Variants in CSMD1 observed in about 807,000 individuals in gnomAD.
The protein encoded by CSMD1 is CUB and sushi domain-containing protein 1.
CSMD1 carries 213 observed loss-of-function variants against 417.5 expected under a neutral mutation model. The ratio of observed to expected loss-of-function variants is 0.51; its 90% CI spans 0.46 to 0.57. The LOEUF is 0.57. CSMD1 is among the 20% of genes least tolerant of loss of function. The pLI is 0.00. For missense variants in CSMD1, 6,923 were observed against 4,529.7 expected, an observed-to-expected ratio of 1.53 and a Z score of -15.17; for synonymous variants, 2,862 against 1,736.8, an observed-to-expected ratio of 1.65 and a Z score of -16.11.
intron 10 of CSMD1, among the ~76,000 whole-genome samples, chr8:3,540,182 G>GA (rs1055696980): frequency 1.1e-4 from 16 of 151,694 alleles, no homozygotes; most frequent in African/African-American, 3.4e-4. Flanking sequence ...GTTTAGTCTT[G>GA]AAAAAAAACC....
intron 3 of CSMD1, among the ~76,000 whole-genome samples, chr8:4,274,457 G>C (rs555195056): frequency 4.7e-4 from 72 of 152,210 alleles, no homozygotes; most frequent in Middle Eastern, 3.4e-3. Context: ...TTAATCGTCA[G>C]CACAGTCGTA....
chr8:3,406,243 A>G (rs1354217493), intron 14 of CSMD1, 22 bp from the exon 15 acceptor site: 2 of 1,540,758 alleles, frequency 1.3e-6, no homozygotes, highest in Non-Finnish European at 1.8e-6. Context: ...AGAAGAAGAA[A>G]AAAGGAATAA....
intron 10 of CSMD1, among the ~76,000 whole-genome samples, chr8:3,532,070 C>T (rs1798005136): frequency 6.6e-6 from 1 of 152,198 alleles, no homozygotes; most frequent in South Asian, 2.1e-4. Flanking sequence ...TCATGATTAG[C>T]TCGTCTATGA....
intron 1 of CSMD1, among the ~76,000 whole-genome samples, chr8:4,724,869 A>T (rs1030289584): frequency 2.2e-4 from 33 of 152,108 alleles, no homozygotes; most frequent in African/African-American, 8.0e-4. Context: ...AGTATACTTC[A>T]CTATTAAAAC....
intron 3 of CSMD1, among the ~76,000 whole-genome samples, chr8:4,357,620 C>A (rs1801504215): frequency 6.6e-6 from 1 of 152,154 alleles, no homozygotes; most frequent in Non-Finnish European, 1.5e-5. Flanking sequence ...AAATAGCATG[C>A]TTAAATAAAT....
intron 5 of CSMD1, among the ~76,000 whole-genome samples, chr8:3,839,068 A>C (rs1319106460): frequency 1.6e-5 from 2 of 126,696 alleles, no homozygotes; most frequent in Non-Finnish European, 3.1e-5. Flanking sequence ...GCCTATAGAT[A>C]TATAGCCTAG....
intron 2 of CSMD1, among the ~76,000 whole-genome samples, chr8:4,617,390 C>CA (rs1801530265): frequency 6.6e-6 from 1 of 152,100 alleles, no homozygotes; most frequent in Admixed American, 6.6e-5. Flanking sequence ...CACTGGACTC[C>CA]AATAACCCTG....
chr8:4,714,004 G>C (rs1036542613), intron 1 of CSMD1, among the ~76,000 whole-genome samples: 1 of 152,088 alleles, frequency 6.6e-6, no homozygotes, highest in Non-Finnish European at 1.5e-5. Context: ...AATTAGCCAA[G>C]CATGGTGGCA....
At chr8:4,495,536 C>G (rs1169705246) in intron 2 of CSMD1, among the ~76,000 whole-genome samples, 1 of 151,998 alleles carries the variant, frequency 6.6e-6, no homozygotes, top group African/African-American at 2.4e-5. Flanking sequence ...TATCTCGCCA[C>G]TGCACTCTAG....
intron 3 of CSMD1, among the ~76,000 whole-genome samples, chr8:4,375,353 C>G (rs1167382353): frequency 6.6e-6 from 1 of 152,058 alleles, no homozygotes; most frequent in Non-Finnish European, 1.5e-5. Context: ...ATCCTATTCA[C>G]CATCCACACA....
At chr8:3,291,472 G>C (rs1301995301) in intron 25 of CSMD1, among the ~76,000 whole-genome samples, 1 of 152,036 alleles carries the variant, frequency 6.6e-6, no homozygotes, top group African/African-American at 2.4e-5. Flanking sequence ...TTTTTTGGTT[G>C]GTAAGCTATT....
rs578035954 is a variant in CSMD1, at chr8:3,957,270, G to A, written c.818+40633C>T. Among the ~76,000 whole-genome samples the A allele has an allele frequency of 3.9e-5, 6 of 152,226 alleles. No individual in the cohort carries two copies. The East Asian group carries it at 7.7e-4, about 20-fold the overall frequency. On this transcript the variant is annotated intron_variant, in intron 5 of 69. Transcript: ENST00000635120. ...GTGTGTAGGTTTCACTATCGCAGTG[G>A]GGATACATGTACTTTTGTGCCCTCA... is the stretch of plus-strand genomic sequence containing the variant.
intron 1 of CSMD1, among the ~76,000 whole-genome samples, chr8:4,929,591 CCATTTGTCTACAAATGATTTCAT>C (rs1349038547): frequency 2.0e-5 from 3 of 152,176 alleles, no homozygotes; most frequent in Admixed American, 1.3e-4. Context: ...TGTGTTCAGT[CCATTTGTCTACAAATGATTTCAT>C]CATTTGTCAC....
chr8:4,730,711 A>G (rs1809792625), intron 1 of CSMD1, among the ~76,000 whole-genome samples: 2 of 152,108 alleles, frequency 1.3e-5, no homozygotes, highest in African/African-American at 4.8e-5. Context: ...ACTGCACTCC[A>G]GCCTGGGCGA....
chr8:4,565,501 G>C (rs780200351), intron 2 of CSMD1, among the ~76,000 whole-genome samples: 2 of 151,986 alleles, frequency 1.3e-5, no homozygotes, highest in Non-Finnish European at 2.9e-5. Context: ...ACTTAAGGAG[G>C]TCAAGGTGGG....
At chr8:3,361,210 T>C (rs1045405358) in intron 20 of CSMD1, among the ~76,000 whole-genome samples, 3 of 152,182 alleles carry the variant, frequency 2.0e-5, no homozygotes, top group African/African-American at 4.8e-5. Context: ...TTAGAACATA[T>C]TAAAATAAAG....
intron 1 of CSMD1, among the ~76,000 whole-genome samples, chr8:4,815,943 T>C (rs1799181901): frequency 6.6e-6 from 1 of 151,894 alleles, no homozygotes; most frequent in Non-Finnish European, 1.5e-5. Context: ...ATCTGGAAAG[T>C]GGATTAATAT....
intron 5 of CSMD1, among the ~76,000 whole-genome samples, chr8:3,908,419 T>C (rs13254962): frequency 0.52 from 78,696 of 152,080 alleles, 23,806 homozygotes; most frequent in South Asian, 0.67. Flanking sequence ...TCTGTGGGAA[T>C]GTAAGCACAA....
intron 10 of CSMD1, among the ~76,000 whole-genome samples, chr8:3,539,799 C>T (rs1798362242): frequency 6.7e-6 from 1 of 149,082 alleles, no homozygotes; most frequent in Non-Finnish European, 1.5e-5. Context: ...AAAATGCCTA[C>T]AAAAAAGGAA....
Sources: gnomAD v4.1 joint callset for allele counts (sites outside exome capture counted in the v4.1 genomes callset) on GRCh38, gnomAD v4.1.1 for gene constraint, MANE v1.5 for transcripts, NCBI Gene and HGNC (gene_info 2026-07-23, HGNC 2026-07-21) for gene names.